The following IQSEC1 variants were observed in gnomAD, a reference collection of about 807,000 sequenced individuals.
The protein encoded by IQSEC1 is IQ motif and SEC7 domain-containing protein 1.
Under a neutral mutation model 91.0 loss-of-function variants are expected in IQSEC1, and 31 were observed. The ratio of observed to expected loss-of-function variants is 0.34; its 90% CI spans 0.26 to 0.46. IQSEC1 has a LOEUF of 0.46. Ranked by LOEUF, IQSEC1 falls within the 20% of genes least tolerant of loss-of-function variation. IQSEC1 has a pLI of 1.00. For missense variants in IQSEC1, 1,388 were observed against 1,575.6 expected, an observed-to-expected ratio of 0.88 and a Z score of 2.02; for synonymous variants, 699 against 662.6, an observed-to-expected ratio of 1.05 and a Z score of -0.84.
chr3:13,087,587 C>G (rs1427628500), intron 2 of IQSEC1, among the ~76,000 whole-genome samples: 1 of 152,204 alleles, frequency 6.6e-6, no homozygotes, highest in Non-Finnish European at 1.5e-5. Context: ...TCATGTTTTT[C>G]TTTTAACTAT....
At chr3:13,177,157 C>T (rs562158) in intron 1 of IQSEC1, among the ~76,000 whole-genome samples, 102,648 of 151,622 alleles carry the variant, frequency 0.68, 34,893 homozygotes, top group South Asian at 0.7. Context: ...GATACCCTAG[C>T]AACCACTGGA....
Position 12,909,274 on chromosome 3 carries a change from C to A in IQSEC1, c.2577G>T (p.Glu859Asp). ...EVQEMEKHRI[E>D]SELEKQKGVV... ...CTGTCCATGAGGCCTGGTACTCACA[C>A]TCTATCCTGTGCTTCTCCATCTCTT... The change falls in exon 11 of 14, where the codon GAG (glutamate) becomes GAT (aspartate). Residue 859 changes from glutamate (E) to aspartate (D), a missense_variant and splice_region_variant. By Grantham distance (45) the Glu-to-Asp change is conservative (BLOSUM62 2). Transcript: ENST00000613206. The surrounding 1 kb of genome is among the most constrained non-coding windows in gnomAD (Gnocchi z 4.9). The A allele has an allele frequency of 6.2e-7, 1 of 1,614,098 alleles. No individual in the cohort carries two copies. The highest frequency in any genetic ancestry group is 8.5e-7 in the Non-Finnish European group (1 of 1,179,968).
At chr3:13,043,500 C>T (rs1431775575) in intron 1 of IQSEC1, among the ~76,000 whole-genome samples, 1 of 152,238 alleles carries the variant, frequency 6.6e-6, no homozygotes, top group Non-Finnish European at 1.5e-5. Flanking sequence ...AGCTCCGCTC[C>T]TCCTCGTCAG....
intron 12 of IQSEC1, among the ~76,000 whole-genome samples, chr3:12,904,464 G>A (rs2125028276): frequency 6.6e-6 from 1 of 152,324 alleles, no homozygotes; most frequent in East Asian, 1.9e-4. Context: ...GTAAGAGGAG[G>A]CTCACATTTC....
At chr3:13,064,007 A>G (rs1431443277) in intron 1 of IQSEC1, among the ~76,000 whole-genome samples, 4 of 152,080 alleles carry the variant, frequency 2.6e-5, no homozygotes, top group Non-Finnish European at 5.9e-5. Context: ...GTTGTAAAAA[A>G]AAAAAAAACA....
intron 1 of IQSEC1, among the ~76,000 whole-genome samples, chr3:13,005,131 A>G (rs770112090): frequency 7.9e-5 from 12 of 152,144 alleles, no homozygotes; most frequent in East Asian, 1.9e-4. Flanking sequence ...TAGTTTTTCA[A>G]TCTTGGATAT....
In IQSEC1 at chr3:13,052,762, GT is replaced by G. The variant is rs374226978; in HGVS notation, c.23+20229del. Among the ~76,000 whole-genome samples, 408 of 146,766 alleles carry G rather than the reference GT, an allele frequency of 2.8e-3. 1 individual carries two copies. Among genetic ancestry groups the G allele is most frequent in the African/African-American group, 8.3e-3 (335 of 40,224 alleles). On this transcript the variant is annotated intron_variant, in intron 1 of 13. Coordinates refer to ENST00000613206, the MANE Select transcript of IQSEC1 (RefSeq NM_001134382.3). ...GACAGACGTACGTGGTGCCATGTCTGTTTTTTTTTTTAAATGAAAGGTCTCA... is the reference window on the plus strand; with the variant it reads ...GACAGACGTACGTGGTGCCATGTCTGTTTTTTTTTTAAATGAAAGGTCTCA...
At chr3:13,041,796 G>A (rs768719551) in intron 1 of IQSEC1, among the ~76,000 whole-genome samples, 4 of 152,154 alleles carry the variant, frequency 2.6e-5, no homozygotes, top group Non-Finnish European at 4.4e-5. Flanking sequence ...AAAGTGACTC[G>A]CCCAAGATCG....
intron 2 of IQSEC1, among the ~76,000 whole-genome samples, chr3:13,133,947 C>A (rs577550647): frequency 6.6e-6 from 1 of 152,360 alleles, no homozygotes; most frequent in African/African-American, 2.4e-5. Flanking sequence ...CTAGCCTTCA[C>A]CACCGTGGGC....
rs551549621 is a variant in IQSEC1, at chr3:12,900,847, C to T, written c.*136G>A. On this transcript the variant is annotated 3_prime_UTR_variant, in exon 14 of 14. Coordinates refer to ENST00000613206, the MANE Select transcript of IQSEC1 (RefSeq NM_001134382.3). ...CCAGCCCTGTGGGCTCCTGGGGCTC[C>T]GGTTGGGCCGTGAGGGGCAGAGGGG... The T allele has an allele frequency of 5.2e-5, 79 of 1,521,066 alleles. 1 individual carries two copies. The South Asian group carries it at 6.6e-4, about 13-fold the overall frequency. The allele number at this position is 1,521,066 out of a possible 1,614,324, so 94.2% of individuals were successfully genotyped here. A position where few individuals can be genotyped will look rare whatever the true frequency, so the allele number is the denominator to read the frequency against.
At chr3:13,061,901 G>A (rs1288695243) in intron 1 of IQSEC1, among the ~76,000 whole-genome samples, 9 of 152,212 alleles carry the variant, frequency 5.9e-5, no homozygotes, top group Admixed American at 5.9e-4. Flanking sequence ...TGACAAAGAG[G>A]CTGGCCAGTC....
upstream of IQSEC1, among the ~76,000 whole-genome samples, chr3:13,074,848 A>G (rs374420596): frequency 3.9e-5 from 6 of 152,166 alleles, no homozygotes; most frequent in Non-Finnish European, 7.3e-5. Flanking sequence ...GTTCCATTCC[A>G]TCCTTTACAG....
At chr3:12,953,651 CA>C (rs1008038038) in intron 1 of IQSEC1, among the ~76,000 whole-genome samples, 3 of 152,218 alleles carry the variant, frequency 2.0e-5, no homozygotes, top group African/African-American at 7.2e-5. Context: ...AGTCAGCGTA[CA>C]GGGGGCTTCT....
rs1405986375 is a variant in IQSEC1, at chr3:12,897,821, G to GT, written c.*3161dup. On this transcript the variant is annotated 3_prime_UTR_variant, in exon 14 of 14. Transcript: ENST00000613206. ...ACAAGAGGCTCCTGCTGCATGCAGT[G>GT]TGTGAGGGAAAGATCACTGCACTGG... 6.6e-6 allele frequency: 1 copy of GT among 152,198 alleles called. No homozygotes were observed. Among genetic ancestry groups the GT allele is most frequent in the Non-Finnish European group, 1.5e-5 (1 of 68,024 alleles). 9.4% of individuals were successfully genotyped at this position (152,198 alleles called of 1,614,324 possible). A position where few individuals can be genotyped will look rare whatever the true frequency, so the allele number is the denominator to read the frequency against.
At chr3:12,933,962 C>T (rs1697936849) in intron 3 of IQSEC1, among the ~76,000 whole-genome samples, 1 of 152,254 alleles carries the variant, frequency 6.6e-6, no homozygotes, top group South Asian at 2.1e-4. Context: ...CACTGCTGGC[C>T]TCCACCTGTC....
chr3:13,042,882 G>T (rs1704336637), intron 1 of IQSEC1, among the ~76,000 whole-genome samples: 1 of 152,170 alleles, frequency 6.6e-6, no homozygotes, highest in Admixed American at 6.5e-5. Context: ...GGTAGGGAGG[G>T]GGCCAGATGA....
chr3:13,117,576 A>C (rs1437348116), intron 2 of IQSEC1, among the ~76,000 whole-genome samples: 1 of 136,088 alleles, frequency 7.3e-6, no homozygotes, highest in African/African-American at 2.8e-5. Context: ...TCTCAAAAAA[A>C]AAAAAAAAAA....
rs165571 is a variant in IQSEC1 at position 13,008,594 on chromosome 3, T to C, written c.23+64398A>G. Among the ~76,000 whole-genome samples, 79,963 of 151,790 alleles carry C rather than the reference T, an allele frequency of 0.53. 23,055 individuals are homozygous for C. The highest frequency in any genetic ancestry group is 0.64 in the Non-Finnish European group (43,502 of 67,968). On this transcript the variant is annotated intron_variant, in intron 1 of 13. Transcript: ENST00000613206. This position sits in a 1 kb window ranked among gnomAD's most constrained non-coding sequence, Gnocchi z 4.1. ...CAGCCTCCTGCTTCATTTTCCTGAC[T>C]GTGATGTTGGAAATGCTCGTTTGTG...
chr3:13,175,674 T>C (rs1693713519), intron 1 of IQSEC1, among the ~76,000 whole-genome samples: 1 of 152,254 alleles, frequency 6.6e-6, no homozygotes, highest in Admixed American at 6.5e-5. Flanking sequence ...ATAAACAGGA[T>C]AAATTTATTC....
Sources: allele counts gnomAD v4.1 joint callset (sites outside exome capture counted in the v4.1 genomes callset), GRCh38; gene constraint gnomAD v4.1.1; non-coding constraint Gnocchi (gnomAD v3.1); transcripts MANE v1.5; gene names NCBI Gene and HGNC (gene_info 2026-07-23, HGNC 2026-07-21).